NPEPPS: variants seen among roughly 807,000 people sequenced by gnomAD.
NPEPPS encodes puromycin-sensitive aminopeptidase.
NPEPPS carries 14 observed loss-of-function variants against 115.5 expected under a neutral mutation model. The observed-to-expected ratio is 0.12, with a 90% CI of 0.08 to 0.19. The LOEUF (loss-of-function observed/expected upper bound fraction) is 0.19. Ranked by LOEUF, NPEPPS falls within the 10% of genes least tolerant of loss-of-function variation. The probability of loss-of-function intolerance (pLI) is 1.00; values close to 1 mark genes in which losing one functional copy is unlikely to be tolerated. For missense variants in NPEPPS, 523 were observed against 1,110.8 expected, an observed-to-expected ratio of 0.47 and a Z score of 7.52; for synonymous variants, 285 against 390.6, an observed-to-expected ratio of 0.73 and a Z score of 3.19.
chr17:47,618,526 G>T, intron 20 of NPEPPS, 69 bp downstream of exon 20: 1 of 1,088,994 alleles, frequency 9.2e-7, no homozygotes, highest in South Asian at 1.3e-5. Context: ...CTCTGATTCA[G>T]CTCTGATCCT....
chr17:47,608,092 T>TC (rs1324148152), intron 17 of NPEPPS, among the ~76,000 whole-genome samples: 1 of 151,842 alleles, frequency 6.6e-6, no homozygotes, highest in African/African-American at 2.4e-5. Flanking sequence ...TTCTCCTCCC[T>TC]CAGCATCCCA....
intron 5 of NPEPPS, among the ~76,000 whole-genome samples, chr17:47,583,605 G>A (rs1410286606): frequency 6.6e-6 from 1 of 151,224 alleles, no homozygotes; most frequent in East Asian, 1.9e-4. Context: ...AAAAGAAAAA[G>A]GTCTTGACTT....
intron 9 of NPEPPS, among the ~76,000 whole-genome samples, chr17:47,590,516 C>T (rs1456934838): frequency 1.3e-5 from 2 of 151,502 alleles, no homozygotes; most frequent in Admixed American, 6.6e-5. Flanking sequence ...ATTCTCATAT[C>T]ACCAGTTGGC....
intron 1 of NPEPPS, among the ~76,000 whole-genome samples, chr17:47,538,526 CTT>C (rs1029993473): frequency 1.1e-4 from 12 of 104,440 alleles, no homozygotes; most frequent in African/African-American, 1.1e-4. Flanking sequence ...TATCTGTTTT[CTT>C]TTTTTTTTTT....
At chr17:47,543,659 A>G (rs1189497628) in intron 1 of NPEPPS, among the ~76,000 whole-genome samples, 2 of 152,038 alleles carry the variant, frequency 1.3e-5, no homozygotes, top group South Asian at 2.1e-4. Context: ...TAGATTGTCA[A>G]AAATATTAAA....
intron 15 of NPEPPS, among the ~76,000 whole-genome samples, chr17:47,602,274 T>C (rs1913246001): frequency 6.6e-6 from 1 of 152,224 alleles, no homozygotes; most frequent in Non-Finnish European, 1.5e-5. Context: ...TACAGACTCT[T>C]AATTGTATGT....
chr17:47,547,607 C>T (rs537262993), intron 2 of NPEPPS, among the ~76,000 whole-genome samples: 1 of 152,156 alleles, frequency 6.6e-6, no homozygotes, highest in Non-Finnish European at 1.5e-5. Flanking sequence ...GATCTGACCT[C>T]TTCGGCCTTG....
At chr17:47,618,239 G>C (rs1278845572) in intron 19 of NPEPPS, 111 bp from the exon 20 acceptor site, 1 of 666,374 alleles carries the variant, frequency 1.5e-6, no homozygotes, top group East Asian at 2.7e-5. Flanking sequence ...TTCTTACCTA[G>C]TGAGAATATA....
In NPEPPS at chr17:47,557,639, C is replaced by A. The variant is rs369356457; in HGVS notation, c.340+11646C>A. ...CCTAAAAATGTACTGCTTTTAGCTG[C>A]AGCCCACACTTTTTTTGGTTTGTTT... is the stretch of plus-strand genomic sequence containing the variant. On this transcript the variant is annotated intron_variant, in intron 2 of 22. Transcript: ENST00000322157. 4.2e-4 allele frequency: 62 copies of A among 149,182 alleles called. 1 individual carries two copies. Among genetic ancestry groups the A allele is most frequent in the African/African-American group, 1.5e-3 (62 of 41,346 alleles). The allele number at this position is 149,182 out of a possible 1,614,324, so 9.2% of individuals were successfully genotyped here.
At chr17:47,549,794 A>AG (rs1484854199) in intron 2 of NPEPPS, among the ~76,000 whole-genome samples, 11 of 150,766 alleles carry the variant, frequency 7.3e-5, no homozygotes, top group Admixed American at 1.3e-4. Context: ...AAAAAAAAAA[A>AG]AAAAAAAAGT....
chr17:47,612,663 C>CTT (rs35841962), intron 18 of NPEPPS, 61 bp downstream of exon 18: 2,864 of 1,088,500 alleles, frequency 2.6e-3, no homozygotes, highest in Middle Eastern at 3.1e-3. Flanking sequence ...AAGCATGGAA[C>CTT]TTTTTTTTTT....
chr17:47,597,792 A>G (rs1315050244), intron 13 of NPEPPS, among the ~76,000 whole-genome samples: 1 of 152,192 alleles, frequency 6.6e-6, no homozygotes, highest in Non-Finnish European at 1.5e-5. Context: ...AATGCTCCCA[A>G]ATTTACATGG....
At chr17:47,528,259 G>A (rs1907519808), upstream of NPEPPS, among the ~76,000 whole-genome samples, 2 of 151,978 alleles carry the variant, frequency 1.3e-5, no homozygotes, top group South Asian at 2.1e-4. Flanking sequence ...CTTAGATCAC[G>A]CCACTGCACT....
upstream of NPEPPS, among the ~76,000 whole-genome samples, chr17:47,527,417 G>C (rs1177639767): frequency 6.6e-6 from 1 of 151,958 alleles, no homozygotes; most frequent in African/African-American, 2.4e-5. Context: ...CCAGGAGGTG[G>C]AGGTTGCAGT....
At chr17:47,539,066 C>G (rs2143685666) in intron 1 of NPEPPS, among the ~76,000 whole-genome samples, 1 of 147,114 alleles carries the variant, frequency 6.8e-6, no homozygotes, top group Non-Finnish European at 1.5e-5. Context: ...ATTGTACGGA[C>G]TTTGTATCAC....
chr17:47,553,743 G>C (rs1254166488), intron 2 of NPEPPS, among the ~76,000 whole-genome samples: 1 of 151,610 alleles, frequency 6.6e-6, no homozygotes, highest in Non-Finnish European at 1.5e-5. Flanking sequence ...CATGAATGTT[G>C]TGTGCGTCTC....
chr17:47,536,386 CTCTTTTTTTTTT>C (rs1908262966), intron 1 of NPEPPS, among the ~76,000 whole-genome samples: 2 of 126,630 alleles, frequency 1.6e-5, no homozygotes, highest in Admixed American at 8.7e-5. Context: ...CATATTTTCT[CTCTTTTTTTTTT>C]TTTTTTTTTT....
At chr17:47,552,928 A>T (rs936342850) in intron 2 of NPEPPS, among the ~76,000 whole-genome samples, 2 of 152,184 alleles carry the variant, frequency 1.3e-5, no homozygotes, top group African/African-American at 4.8e-5. Flanking sequence ...TAAAACTGAT[A>T]AATGTTAGAG....
At chr17:47,585,128 C>T (rs1180657672) in intron 5 of NPEPPS, among the ~76,000 whole-genome samples, 1 of 152,124 alleles carries the variant, frequency 6.6e-6, no homozygotes, top group East Asian at 1.9e-4. Context: ...CGCCTAGCCC[C>T]TATTTTATTT....
Sources: allele counts gnomAD v4.1 joint callset (sites outside exome capture counted in the v4.1 genomes callset), GRCh38; gene constraint gnomAD v4.1.1; transcripts MANE v1.5; gene names NCBI Gene and HGNC (gene_info 2026-07-23, HGNC 2026-07-21).